The following CLASP1 variants were observed in gnomAD, a reference collection of about 807,000 sequenced individuals.
CLASP1 encodes the protein CLIP-associating protein 1.
In CLASP1, 38 loss-of-function variants were observed where a neutral mutation model predicts 192.3. That is an observed-to-expected ratio of 0.20 (90% CI 0.15 to 0.26). The LOEUF (loss-of-function observed/expected upper bound fraction) is 0.26, where lower values mean the gene tolerates loss of function less well. CLASP1 is among the 10% of genes least tolerant of loss of function. CLASP1 has a pLI of 1.00. For missense variants in CLASP1, 1,433 were observed against 1,932.5 expected (o/e 0.74, Z 4.85); for synonymous variants, 691 against 712.8 (o/e 0.97, Z 0.49).
At chr2:121,644,735 C>A (rs996264006) in intron 1 of CLASP1, among the ~76,000 whole-genome samples, 1 of 152,064 alleles carries the variant, frequency 6.6e-6, no homozygotes, top group Admixed American at 6.5e-5. Flanking sequence ...TTGAGCCCAG[C>A]AGTTCGAGAC....
intron 1 of CLASP1, among the ~76,000 whole-genome samples, chr2:121,648,825 G>A (rs926788456): frequency 9.2e-5 from 14 of 152,260 alleles, no homozygotes; most frequent in African/African-American, 3.1e-4. Flanking sequence ...CATCAAGCCG[G>A]CCGCTCCGCT....
intron 1 of CLASP1, among the ~76,000 whole-genome samples, chr2:121,615,581 C>G (rs1002415171): frequency 6.6e-6 from 1 of 151,906 alleles, no homozygotes; most frequent in East Asian, 1.9e-4. Context: ...CGGGGAAGTT[C>G]GAGACCAACC....
intron 7 of CLASP1, among the ~76,000 whole-genome samples, chr2:121,510,920 G>A (rs148523418): frequency 4.6e-4 from 70 of 152,256 alleles, no homozygotes; most frequent in African/African-American, 1.7e-3. Flanking sequence ...TGCACCTGCC[G>A]AGAAAGGTGA....
intron 19 of CLASP1, among the ~76,000 whole-genome samples, chr2:121,440,110 A>AC (rs1316407348): frequency 1.3e-5 from 2 of 151,780 alleles, no homozygotes; most frequent in African/African-American, 4.8e-5. Context: ...AAAAAAAAAA[A>AC]AAACTAAGCC....
Position 121,527,897 on chromosome 2 carries a change from A to G in CLASP1, c.379-7T>C, listed in dbSNP as rs751875019. The G allele has an allele frequency of 1.9e-6, 3 of 1,610,982 alleles. No individual in the cohort carries two copies. The highest frequency in any genetic ancestry group is 1.7e-4 in the Middle Eastern group (1 of 6,058). The stretch of plus-strand genomic sequence containing the variant: ...GCATTCTGTCCCATACGTACTGCAG[A>G]TGACAAAGAACAGGTGAGGAAAGGA... On this transcript the variant is annotated splice_polypyrimidine_tract_variant and splice_region_variant and intron_variant, in intron 4 of 39. Transcript: ENST00000263710.
chr2:121,452,296 T>C (rs1201838063), intron 14 of CLASP1, among the ~76,000 whole-genome samples: 1 of 152,246 alleles, frequency 6.6e-6, no homozygotes, highest in Non-Finnish European at 1.5e-5. Context: ...CTAAGTGCTC[T>C]CCATATTTTC....
intron 8 of CLASP1, among the ~76,000 whole-genome samples, chr2:121,494,849 C>G (rs1221261523): frequency 6.6e-6 from 1 of 151,468 alleles, no homozygotes; most frequent in Non-Finnish European, 1.5e-5. Context: ...GGTGAAACCT[C>G]GTCTCTACTA....
intron 2 of CLASP1, among the ~76,000 whole-genome samples, chr2:121,554,338 A>G (rs1174543535): frequency 6.6e-6 from 1 of 151,874 alleles, no homozygotes; most frequent in African/African-American, 2.4e-5. Flanking sequence ...AGGCTGGTTG[A>G]AGTGGCTCAT....
intron 1 of CLASP1, among the ~76,000 whole-genome samples, chr2:121,645,295 A>G (rs979375588): frequency 3.9e-5 from 6 of 152,256 alleles, no homozygotes; most frequent in Non-Finnish European, 8.8e-5. Flanking sequence ...TCCTTCAGGA[A>G]GTATAACTAA....
At chr2:121,545,062 C>T (rs1668224056) in intron 2 of CLASP1, among the ~76,000 whole-genome samples, 1 of 152,072 alleles carries the variant, frequency 6.6e-6, no homozygotes, top group Admixed American at 6.6e-5. Context: ...CAGGCGTGTG[C>T]CACCACATCC....
At chr2:121,545,910 C>CT (rs2105074727) in intron 2 of CLASP1, among the ~76,000 whole-genome samples, 1 of 137,208 alleles carries the variant, frequency 7.3e-6, no homozygotes, top group African/African-American at 3.4e-5. Flanking sequence ...TTGCTCATTA[C>CT]TTAAAAAAAA....
intron 2 of CLASP1, among the ~76,000 whole-genome samples, chr2:121,540,766 AAC>A (rs1479718986): frequency 2.0e-5 from 3 of 150,462 alleles, no homozygotes; most frequent in Non-Finnish European, 4.4e-5. Context: ...CAGCCTGTGC[AAC>A]AGAGTGAGAC....
At chr2:121,392,994 G>A (rs1347069323) in intron 30 of CLASP1, among the ~76,000 whole-genome samples, 4 of 152,048 alleles carry the variant, frequency 2.6e-5, no homozygotes, top group African/African-American at 7.2e-5. Flanking sequence ...CCTCCAAAAT[G>A]TGAAACACCC....
At chr2:121,407,388 T>C in intron 25 of CLASP1, 83 bp downstream of exon 26, 1 of 1,462,860 alleles carries the variant, frequency 6.8e-7, no homozygotes, top group South Asian at 1.3e-5. Context: ...TTAGACTCCA[T>C]TAATTATAGG....
chr2:121,506,331 T>A (rs979902428), intron 7 of CLASP1, among the ~76,000 whole-genome samples: 4 of 152,136 alleles, frequency 2.6e-5, no homozygotes, highest in Non-Finnish European at 4.4e-5. Context: ...GCAAGCCCAG[T>A]TGCAGGGCTT....
intron 11 of CLASP1, 58 bp downstream of exon 11, chr2:121,461,043 A>G (rs2087830691): frequency 9.8e-7 from 1 of 1,015,424 alleles, no homozygotes; most frequent in Non-Finnish European, 1.5e-6. Flanking sequence ...ACAATAAAGT[A>G]TTTGAGATAT....
At chr2:121,444,127 T>C (rs2083875955) in intron 19 of CLASP1, among the ~76,000 whole-genome samples, 1 of 152,358 alleles carries the variant, frequency 6.6e-6, no homozygotes, top group South Asian at 2.1e-4. Flanking sequence ...TATTGCCTTA[T>C]ATGCACTTAT....
intron 1 of CLASP1, among the ~76,000 whole-genome samples, chr2:121,609,868 G>A (rs1195594584): frequency 2.0e-5 from 3 of 152,172 alleles, no homozygotes; most frequent in Non-Finnish European, 4.4e-5. Flanking sequence ...TTGAAGCAGG[G>A]AGTCAGAGGT....
chr2:121,598,432 C>T (rs1180494474), intron 2 of CLASP1, among the ~76,000 whole-genome samples: 2 of 152,224 alleles, frequency 1.3e-5, no homozygotes, highest in African/African-American at 4.8e-5. Context: ...TACCTATTAC[C>T]TGTCACTGCT....
Sources: allele counts gnomAD v4.1 joint callset (sites outside exome capture counted in the v4.1 genomes callset), GRCh38; gene constraint gnomAD v4.1.1; transcripts MANE v1.5; gene names NCBI Gene and HGNC (gene_info 2026-07-23, HGNC 2026-07-21).